The following IHO1 variants were observed in gnomAD, a reference collection of about 807,000 sequenced individuals.
The protein encoded by IHO1 is interactor of HORMAD1 protein 1.
Under a neutral mutation model 31.0 loss-of-function variants are expected in IHO1, and 13 were observed. That is an observed-to-expected ratio of 0.42 (90% CI 0.27 to 0.67). The LOEUF (loss-of-function observed/expected upper bound fraction) is 0.67. Ranked by LOEUF, IHO1 falls within the 30% of genes least tolerant of loss-of-function variation. IHO1 has a pLI of 0.24. For synonymous variants in IHO1, 221 were observed against 248.4 expected (o/e 0.89, Z 1.04); for missense variants, 599 against 687.5 (o/e 0.87, Z 1.44).
At chr3:49,196,677 TTGA>T (rs779601506), upstream of IHO1, among the ~76,000 whole-genome samples, 107 of 147,436 alleles carry the variant, frequency 7.3e-4, no homozygotes, top group African/African-American at 2.6e-3. Flanking sequence ...GATTGATTGA[TTGA>T]TTTTTTTTGA....
At chr3:49,198,765 G>A (rs1038913757), upstream of IHO1, 3 of 152,310 alleles carry the variant, frequency 2.0e-5, no homozygotes, top group African/African-American at 4.8e-5. Flanking sequence ...TCATCTATAA[G>A]CACCAGAGGC....
intron 2 of IHO1, among the ~76,000 whole-genome samples, chr3:49,216,450 C>T (rs899574896): frequency 3.9e-5 from 6 of 152,074 alleles, no homozygotes; most frequent in Admixed American, 6.6e-5. Context: ...AAAAATTAGC[C>T]GGGTGTGGTG....
intron 2 of IHO1, among the ~76,000 whole-genome samples, chr3:49,219,725 C>A (rs886586162): frequency 6.6e-6 from 1 of 152,138 alleles, no homozygotes; most frequent in Non-Finnish European, 1.5e-5. Flanking sequence ...TAGAGCTAAG[C>A]TGGAGGACAC....
Position 49,257,428 on chromosome 3 carries a change from G to A in IHO1, c.*146G>A. 1.3e-6 allele frequency: 1 copy of A among 756,638 alleles called. No individual in the cohort carries two copies. The highest frequency in any genetic ancestry group is 2.2e-6 in the Non-Finnish European group (1 of 455,736). 46.9% of individuals were successfully genotyped at this position (756,638 alleles called of 1,614,324 possible). A position where few individuals can be genotyped will look rare whatever the true frequency, so the allele number is the denominator to read the frequency against. On this transcript the variant is annotated 3_prime_UTR_variant, in exon 8 of 8. Coordinates refer to ENST00000452691, the MANE Select transcript of IHO1 (RefSeq NM_001135197.2). ...GTGGGGCAATGAGCACGAGGGCAGG[G>A]AAGGTCCAGCATTCTGGGTACCAGG...
chr3:49,213,448 C>A (rs1369524842), intron 2 of IHO1, among the ~76,000 whole-genome samples: 1 of 152,264 alleles, frequency 6.6e-6, no homozygotes, highest in Non-Finnish European at 1.5e-5. Context: ...CAAGTCCCCA[C>A]TAGACTCAGG....
rs1224424611 is a variant in IHO1, at chr3:49,241,276, A to C, written c.282A>C (p.Gly94=). 1 of 1,613,724 alleles carries C rather than the reference A, an allele frequency of 6.2e-7. No homozygotes were observed. The highest frequency in any genetic ancestry group is 8.5e-7 in the Non-Finnish European group (1 of 1,179,902). The change falls in exon 4 of 8, where the codon GGA becomes GGC. Residue 94 remains glycine, a synonymous_variant. Coordinates refer to ENST00000452691, the MANE Select transcript of IHO1 (RefSeq NM_001135197.2). ...ACCAGACAAAGCCCCAGCTGTTCGGAGGAGATATAAAAGATGGAGGTTTAT... is the reference window on the plus strand; with the variant it reads ...ACCAGACAAAGCCCCAGCTGTTCGGCGGAGATATAAAAGATGGAGGTTTAT... ...TKYQTKPQLF[G]GDIKDGGLFP... is the part of the protein sequence containing the mutation.
chr3:49,243,626 C>T (rs1358097681), intron 4 of IHO1, among the ~76,000 whole-genome samples: 3 of 151,246 alleles, frequency 2.0e-5, no homozygotes, highest in South Asian at 2.1e-4. Flanking sequence ...GGCGTGGTGG[C>T]GGGAGCCTGT....
upstream of IHO1, among the ~76,000 whole-genome samples, chr3:49,195,954 G>C (rs2045994102): frequency 6.6e-6 from 1 of 151,180 alleles, no homozygotes; most frequent in Non-Finnish European, 1.5e-5. Context: ...AAAAAATACA[G>C]GCCAGGTGTG....
At position 49,257,413 on chromosome 3, in the gene IHO1, G is replaced by A; in HGVS notation, c.*131G>A. ...AGAGGCCCTGCTGAGGTGGGGCAAT[G>A]AGCACGAGGGCAGGGAAGGTCCAGC... On this transcript the variant is annotated 3_prime_UTR_variant, in exon 8 of 8. Coordinates refer to ENST00000452691, the MANE Select transcript of IHO1 (RefSeq NM_001135197.2). 1.2e-6 allele frequency: 1 copy of A among 861,248 alleles called. No homozygotes were observed. 53.4% of individuals were successfully genotyped at this position (861,248 alleles called of 1,614,324 possible).
intron 2 of IHO1, among the ~76,000 whole-genome samples, chr3:49,217,631 TTAAAG>T (rs2046305091): frequency 1.5e-5 from 2 of 130,752 alleles, no homozygotes; most frequent in South Asian, 5.4e-4. Context: ...ACCCTAGAAC[TTAAAG>T]TATAATAAAA....
intron 2 of IHO1, among the ~76,000 whole-genome samples, chr3:49,220,191 G>A (rs1470131307): frequency 6.6e-6 from 1 of 152,214 alleles, no homozygotes. Flanking sequence ...AAATATTATA[G>A]CTACATTTGA....
chr3:49,244,981 T>C lies in IHO1; in HGVS notation c.532+248T>C, dbSNP rs1418821129. 8.4e-6 allele frequency: 5 copies of C among 596,536 alleles called. No homozygotes were observed. The East Asian group carries it at 1.4e-4, about 16-fold the overall frequency. The allele number at this position is 596,536 out of a possible 1,614,324, so 37.0% of individuals were successfully genotyped here. On this transcript the variant is annotated intron_variant, in intron 6 of 7. Coordinates refer to ENST00000452691, the MANE Select transcript of IHO1 (RefSeq NM_001135197.2). Reference sequence around the variant, plus strand: ...GCACTAATCCCCCACCTGGTAACCATGTTGCCTCAGGGCAGGTAGCTCTGC... The same window carrying C: ...GCACTAATCCCCCACCTGGTAACCACGTTGCCTCAGGGCAGGTAGCTCTGC...
In IHO1 at chr3:49,220,839, G is replaced by A. The variant is rs576316013; in HGVS notation, c.56+9003G>A. Among the ~76,000 whole-genome samples the A allele has an allele frequency of 2.6e-5, 4 of 152,202 alleles. No individual in the cohort carries two copies. In the East Asian group the frequency reaches 7.7e-4, roughly 29 times the overall value. On this transcript the variant is annotated intron_variant, in intron 2 of 7. Transcript: ENST00000452691. Reference sequence around the variant, plus strand: ...GCTGAGATAGCGCCACTGTACTCCAGCCTGGGCGACAGTTCAAGACTCCAT... The same window carrying A: ...GCTGAGATAGCGCCACTGTACTCCAACCTGGGCGACAGTTCAAGACTCCAT...
At chr3:49,215,911 CA>C (rs1027138723) in intron 2 of IHO1, among the ~76,000 whole-genome samples, 1 of 152,044 alleles carries the variant, frequency 6.6e-6, no homozygotes, top group African/African-American at 2.4e-5. Flanking sequence ...TACATTTATC[CA>C]AAAACAACTG....
At chr3:49,194,764 C>T (rs985006045), upstream of IHO1, among the ~76,000 whole-genome samples, 8 of 151,118 alleles carry the variant, frequency 5.3e-5, no homozygotes, top group East Asian at 4.0e-4. Context: ...GACATGGTGA[C>T]GTGCACCTGT....
chr3:49,232,861 T>C lies in IHO1; in HGVS notation c.57-3687T>C, dbSNP rs150559588. On this transcript the variant is annotated intron_variant, in intron 2 of 7. Coordinates refer to ENST00000452691, the MANE Select transcript of IHO1 (RefSeq NM_001135197.2). ...AGAACAATTATATTTATTGGGCGTA[T>C]TTATCAATCTTGGCTGGCAATAACG... 1.1e-4 allele frequency among the ~76,000 whole-genome samples: 17 copies of C among 152,346 alleles called. No homozygotes were observed. The East Asian group carries it at 2.3e-3, about 21-fold the overall frequency.
At chr3:49,243,064 C>G (rs1379800966) in intron 4 of IHO1, among the ~76,000 whole-genome samples, 5 of 152,022 alleles carry the variant, frequency 3.3e-5, no homozygotes, top group Non-Finnish European at 7.4e-5. Context: ...CCCTTCACCT[C>G]AACTAGGCCC....
chr3:49,257,421 G>A lies in IHO1; in HGVS notation c.*139G>A, dbSNP rs2046839462. 1 of 790,254 alleles carries A rather than the reference G, an allele frequency of 1.3e-6. No individual in the cohort carries two copies. Among genetic ancestry groups the A allele is most frequent in the Admixed American group, 2.4e-5 (1 of 41,752 alleles). 49.0% of individuals were successfully genotyped at this position (790,254 alleles called of 1,614,324 possible). A position where few individuals can be genotyped will look rare whatever the true frequency, so the allele number is the denominator to read the frequency against. On this transcript the variant is annotated 3_prime_UTR_variant, in exon 8 of 8. Coordinates refer to ENST00000452691, the MANE Select transcript of IHO1 (RefSeq NM_001135197.2). ...TGCTGAGGTGGGGCAATGAGCACGAGGGCAGGGAAGGTCCAGCATTCTGGG... is the reference window on the plus strand; with the variant it reads ...TGCTGAGGTGGGGCAATGAGCACGAAGGCAGGGAAGGTCCAGCATTCTGGG...
rs1170765238 is a variant in IHO1 at position 49,211,756 on chromosome 3, T to C, written c.-15-10T>C. 7.9e-7 allele frequency: 1 copy of C among 1,266,648 alleles called. No individual in the cohort carries two copies. The highest frequency in any genetic ancestry group is 1.1e-6 in the Non-Finnish European group (1 of 870,160). The allele number at this position is 1,266,648 out of a possible 1,614,324, so 78.5% of individuals were successfully genotyped here. On this transcript the variant is annotated splice_polypyrimidine_tract_variant and intron_variant, in intron 1 of 7. Coordinates refer to ENST00000452691, the MANE Select transcript of IHO1 (RefSeq NM_001135197.2). ...TAACTTTCTTAATATTCACCTATTC[T>C]TTCTAATAGGTATAACTATAAGAAA...
Sources: gnomAD v4.1 joint callset for allele counts (sites outside exome capture counted in the v4.1 genomes callset) on GRCh38, gnomAD v4.1.1 for gene constraint, MANE v1.5 for transcripts, NCBI Gene and HGNC (gene_info 2026-07-23, HGNC 2026-07-21) for gene names.